TP53INP1: variants seen among roughly 807,000 people sequenced by gnomAD.
TP53INP1 encodes the protein tumor protein p53-inducible nuclear protein 1.
In TP53INP1, 12 loss-of-function variants were observed where a neutral mutation model predicts 21.0. The observed-to-expected ratio is 0.57, with a 90% CI of 0.37 to 0.93. The LOEUF is 0.93. Ranked by LOEUF, TP53INP1 falls within the 40% of genes least tolerant of loss-of-function variation. TP53INP1 has a pLI of 0.01. For missense variants in TP53INP1, 274 were observed against 294.7 expected (o/e 0.93, Z 0.51); for synonymous variants, 91 against 94.8 (o/e 0.96, Z 0.23).
intron 3 of TP53INP1, among the ~76,000 whole-genome samples, chr8:94,933,102 C>A (rs1820586110): frequency 6.6e-6 from 1 of 151,988 alleles, no homozygotes; most frequent in Admixed American, 6.6e-5. Flanking sequence ...CCAGTAATCC[C>A]AGTTAATCGG....
At position 94,940,097 on chromosome 8, in the gene TP53INP1, G is replaced by A. The variant is rs752824606; in HGVS notation, c.236C>T (p.Thr79Ile). The change falls in exon 3 of 4, where the codon ACA (threonine) becomes ATA (isoleucine). Residue 79 changes from threonine (T) to isoleucine (I), a missense_variant. Coordinates refer to ENST00000342697, the MANE Select transcript of TP53INP1 (RefSeq NM_033285.4). ...LPASLECLAD[T>I]SDSCFLQFES... ...AAACTGGAGAAAGCAGGAATCACTT[G>A]TATCAGCCAAGCACTCAAGAGATGC... 1 of 1,614,194 alleles carries A rather than the reference G, an allele frequency of 6.2e-7. No homozygotes were observed. The highest frequency in any genetic ancestry group is 8.5e-7 in the Non-Finnish European group (1 of 1,180,032).
intron 2 of TP53INP1, 69 bp downstream of exon 2, chr8:94,940,761 C>T (rs995513503): frequency 8.1e-7 from 1 of 1,227,216 alleles, no homozygotes; most frequent in South Asian, 1.3e-5. Flanking sequence ...TTTCCTTATG[C>T]AAAAACTGAG....
Position 94,940,917 on chromosome 8 carries a change from A to T in TP53INP1, c.25T>A (p.Phe9Ile). The T allele has an allele frequency of 6.2e-7, 1 of 1,613,786 alleles. No homozygotes were observed. The highest frequency in any genetic ancestry group is 2.2e-5 in the East Asian group (1 of 44,840). Residue 9 changes from phenylalanine (F) to isoleucine (I), a missense_variant, in exon 2 of 4, where the codon TTT (phenylalanine) becomes ATT (isoleucine). Physicochemically the swap from Phe to Ile is conservative, Grantham distance 21. Transcript: ENST00000342697. MFQRLNKM[F>I]VGEVSSSSNQ... ...GAGGAAGAACTGACTTCACCCACAA[A>T]CATTTTATTCAGCCTCTGGAACATT...
At chr8:94,933,172 C>T (rs1022029039) in intron 3 of TP53INP1, among the ~76,000 whole-genome samples, 6 of 152,164 alleles carry the variant, frequency 3.9e-5, no homozygotes, top group African/African-American at 7.2e-5. Flanking sequence ...GCCGAGATTG[C>T]GCCGCTGCAA....
rs145293624 is a variant in TP53INP1 at position 94,940,943 on chromosome 8, G to C, written c.-2C>G. 7 of 1,609,848 alleles carry C rather than the reference G, an allele frequency of 4.3e-6. No individual in the cohort carries two copies. In the African/African-American group the frequency reaches 9.3e-5, roughly 21 times the overall value. On this transcript the variant is annotated 5_prime_UTR_variant, in exon 2 of 4. Coordinates refer to ENST00000342697, the MANE Select transcript of TP53INP1 (RefSeq NM_033285.4). ...CATTTTATTCAGCCTCTGGAACATT[G>C]TTAAGGCAAGACTGAGAGTTTGGCT...
At chr8:94,942,641 G>C (rs190071349) in intron 1 of TP53INP1, among the ~76,000 whole-genome samples, 1 of 152,368 alleles carries the variant, frequency 6.6e-6, no homozygotes, top group Admixed American at 6.5e-5. Flanking sequence ...GCACAGGGGA[G>C]ATGGCTGTGA....
intron 1 of TP53INP1, among the ~76,000 whole-genome samples, chr8:94,942,320 G>A (rs1387304950): frequency 1.3e-5 from 2 of 151,910 alleles, no homozygotes; most frequent in African/African-American, 4.8e-5. Context: ...GATTACAGGC[G>A]TGAGCTGCCG....
In TP53INP1 at chr8:94,928,339, C is replaced by T. The variant is rs777119035; in HGVS notation, c.*2140G>A. ...TAGCTTGTGAGGTACTAACAACTTA[C>T]ATGCAATGTATGAAAAAGAGACGCC... On this transcript the variant is annotated 3_prime_UTR_variant, in exon 4 of 4. Transcript: ENST00000342697. 2 of 152,202 alleles carry T rather than the reference C, an allele frequency of 1.3e-5. No homozygotes were observed. The highest frequency in any genetic ancestry group is 2.9e-5 in the Non-Finnish European group (2 of 68,050). 9.4% of individuals were successfully genotyped at this position (152,202 alleles called of 1,614,324 possible).
rs111945477 is a variant in TP53INP1, at chr8:94,939,904, C to A, written c.429G>T (p.Glu143Asp). The A allele has an allele frequency of 6.2e-7, 1 of 1,614,090 alleles. No individual in the cohort carries two copies. Reference sequence around the variant, plus strand: ...GTAATTCATCAGTCCCACGGGTGGCCTCACTGAGACCAGGGCAGGAGTTAT... The same window carrying A: ...GTAATTCATCAGTCCCACGGGTGGCATCACTGAGACCAGGGCAGGAGTTAT... The part of the protein sequence containing the change: ...AVHNSCPGLS[E>D]ATRGTDELHS... Residue 143 changes from glutamate to aspartate, a missense_variant, in exon 3 of 4, where the codon GAG (glutamate) becomes GAT (aspartate). Coordinates refer to ENST00000342697, the MANE Select transcript of TP53INP1 (RefSeq NM_033285.4).
chr8:94,926,279 C>G lies in TP53INP1; in HGVS notation c.*4200G>C, dbSNP rs889524530. 7 of 152,042 alleles carry G rather than the reference C, an allele frequency of 4.6e-5. No individual in the cohort carries two copies. The highest frequency in any genetic ancestry group is 1.7e-4 in the African/African-American group (7 of 41,198). 9.4% of individuals were successfully genotyped at this position (152,042 alleles called of 1,614,324 possible). A position where few individuals can be genotyped will look rare whatever the true frequency, so the allele number is the denominator to read the frequency against. On this transcript the variant is annotated 3_prime_UTR_variant, in exon 4 of 4. Transcript: ENST00000342697. ...ATGTCCCTTTTGAATTTTCAAGTTA[C>G]TGAAAAAAAATGTGTCGAGAAACAC...
At chr8:94,948,848 C>G (rs1822265426) in intron 1 of TP53INP1, among the ~76,000 whole-genome samples, 1 of 152,010 alleles carries the variant, frequency 6.6e-6, no homozygotes, top group African/African-American at 2.4e-5. Context: ...AGGCAGAGAC[C>G]AAACTCCCAA....
intron 1 of TP53INP1, among the ~76,000 whole-genome samples, 159 bp from the exon 2 acceptor site, chr8:94,941,250 A>G (rs1172380847): frequency 6.6e-6 from 1 of 152,230 alleles, no homozygotes; most frequent in Non-Finnish European, 1.5e-5. Flanking sequence ...GAAATGCAAC[A>G]TAATGTTTTG....
chr8:94,932,157 G>A (rs1448469235), intron 3 of TP53INP1: 1 of 1,570,930 alleles, frequency 6.4e-7, no homozygotes. Flanking sequence ...GATTTAAAAT[G>A]CTATTGTAAC....
chr8:94,944,504 A>C (rs527913958), intron 1 of TP53INP1, among the ~76,000 whole-genome samples: 1 of 152,312 alleles, frequency 6.6e-6, no homozygotes, highest in African/African-American at 2.4e-5. Context: ...GGAGCAGTAC[A>C]AGTCAGTGCT....
chr8:94,947,545 G>A (rs186690290), intron 1 of TP53INP1, among the ~76,000 whole-genome samples: 1 of 152,138 alleles, frequency 6.6e-6, no homozygotes, highest in Non-Finnish European at 1.5e-5. Flanking sequence ...ATGAAGACTA[G>A]ATTCAAGTAA....
At chr8:94,939,072 T>C (rs1451384615) in intron 3 of TP53INP1, among the ~76,000 whole-genome samples, 4 of 152,330 alleles carry the variant, frequency 2.6e-5, no homozygotes, top group African/African-American at 7.2e-5. Context: ...CCCACACATC[T>C]GGTGTCAGAA....
chr8:94,930,544 G>A lies in TP53INP1; in HGVS notation c.658C>T (p.Pro220Ser). Residue 220 changes from proline to serine, a missense_variant, in exon 4 of 4, where the codon CCT becomes TCT. Coordinates refer to ENST00000342697, the MANE Select transcript of TP53INP1 (RefSeq NM_033285.4). ...RRQNLTRDCH[P>S]RQVKHNGWVV... ...CAGCCATTGTGCTTGACTTGCCGAG[G>A]GTGGCAATCCCTGGTAAGATTTTGG... 3 of 1,614,214 alleles carry A rather than the reference G, an allele frequency of 1.9e-6. No homozygotes were observed. Among genetic ancestry groups the A allele is most frequent in the East Asian group, 2.2e-5 (1 of 44,888 alleles).
Position 94,926,229 on chromosome 8 carries a change from G to T in TP53INP1, c.*4250C>A, listed in dbSNP as rs1051416379. On this transcript the variant is annotated 3_prime_UTR_variant, in exon 4 of 4. Transcript: ENST00000342697. ...GAAAACAAGCTGCCATTTATGCATA[G>T]ATTGATGTACAGTAACCTAACCAAA... 1.3e-5 allele frequency: 2 copies of T among 152,466 alleles called. No individual in the cohort carries two copies. Among genetic ancestry groups the T allele is most frequent in the African/African-American group, 4.8e-5 (2 of 41,372 alleles). 9.4% of individuals were successfully genotyped at this position (152,466 alleles called of 1,614,324 possible).
chr8:94,944,468 A>G (rs1324150557), intron 1 of TP53INP1, among the ~76,000 whole-genome samples: 1 of 152,216 alleles, frequency 6.6e-6, no homozygotes, highest in Non-Finnish European at 1.5e-5. Flanking sequence ...AGATACAGGA[A>G]AGGCTTCTCT....
Sources: gnomAD v4.1 joint callset for allele counts (sites outside exome capture counted in the v4.1 genomes callset) on GRCh38, gnomAD v4.1.1 for gene constraint, MANE v1.5 for transcripts, NCBI Gene and HGNC (gene_info 2026-07-23, HGNC 2026-07-21) for gene names.